Variants in CNTNAP2 observed in about 807,000 individuals in gnomAD.
CNTNAP2 encodes the protein contactin-associated protein-like 2.
A neutral mutation model predicts 155.2 loss-of-function variants in CNTNAP2; 98 were observed. That is an observed-to-expected ratio of 0.63 (90% confidence interval 0.54 to 0.75). The LOEUF (loss-of-function observed/expected upper bound fraction) is 0.75, where lower values mean the gene tolerates loss of function less well. Among genes scored for constraint, CNTNAP2 ranks in the 30% least tolerant of loss-of-function variants. The pLI is 0.00. For missense variants in CNTNAP2, 1,727 were observed against 1,688.1 expected, an observed-to-expected ratio of 1.02 and a Z score of -0.40; for synonymous variants, 651 against 631.2, an observed-to-expected ratio of 1.03 and a Z score of -0.47.
At chr7:147,562,371 G>C (rs1412432118) in intron 12 of CNTNAP2, 114 bp downstream of exon 12, 1 of 1,282,902 alleles carries the variant, frequency 7.8e-7, no homozygotes, top group Non-Finnish European at 1.1e-6. Context: ...CATCTAATCA[G>C]CAACATATTG....
At chr7:147,253,377 T>G (rs1804246239) in intron 8 of CNTNAP2, among the ~76,000 whole-genome samples, 1 of 148,226 alleles carries the variant, frequency 6.7e-6, no homozygotes, top group South Asian at 2.1e-4. Flanking sequence ...GCTTAACAGG[T>G]TCTCTGTTTT....
In CNTNAP2 at chr7:148,128,563, G is replaced by C. The variant is rs534833396; in HGVS notation, c.2554+10275G>C. Among the ~76,000 whole-genome samples the C allele has an allele frequency of 4.1e-4, 63 of 152,124 alleles. 1 individual carries two copies. The highest frequency in any genetic ancestry group is 1.5e-3 in the African/African-American group (62 of 41,502). Reference sequence around the variant, plus strand: ...AATATTAAAAGATATATAAATAGTTGGTAAATCAATTTAGATTAAATTTAT... The same window carrying C: ...AATATTAAAAGATATATAAATAGTTCGTAAATCAATTTAGATTAAATTTAT... On this transcript the variant is annotated intron_variant, in intron 16 of 23. Coordinates refer to ENST00000361727, the MANE Select transcript of CNTNAP2 (RefSeq NM_014141.6).
At chr7:147,767,491 G>C (rs983222281) in intron 13 of CNTNAP2, among the ~76,000 whole-genome samples, 2 of 151,990 alleles carry the variant, frequency 1.3e-5, no homozygotes, top group Non-Finnish European at 2.9e-5. Context: ...ATTATCTTCA[G>C]ATGTGTAATC....
At chr7:148,280,543 A>C (rs1164244186) in intron 21 of CNTNAP2, among the ~76,000 whole-genome samples, 3 of 152,226 alleles carry the variant, frequency 2.0e-5, no homozygotes, top group Non-Finnish European at 4.4e-5. Context: ...AAACTGGGCA[A>C]AATACACAGG....
Position 146,676,849 on chromosome 7 carries a change from T to A in CNTNAP2, c.98-97422T>A, listed in dbSNP as rs554187306. On this transcript the variant is annotated intron_variant, in intron 1 of 23. Coordinates refer to ENST00000361727, the MANE Select transcript of CNTNAP2 (RefSeq NM_014141.6). ...GGAAACTGCCCCCATGATTCAATTA[T>A]CTCCTACTGGGTCCCTCCCACAACA... 2.0e-4 allele frequency among the ~76,000 whole-genome samples: 30 copies of A among 152,270 alleles called. 1 individual carries two copies. The highest frequency in any genetic ancestry group is 5.5e-4 in the African/African-American group (23 of 41,560).
intron 15 of CNTNAP2, among the ~76,000 whole-genome samples, chr7:148,090,987 A>G (rs1052512188): frequency 6.6e-6 from 1 of 152,186 alleles, no homozygotes; most frequent in African/African-American, 2.4e-5. Flanking sequence ...CAAGTATCCT[A>G]TGATCCCACT....
chr7:147,840,086 G>T (rs1352646515), intron 13 of CNTNAP2, among the ~76,000 whole-genome samples: 1 of 152,060 alleles, frequency 6.6e-6, no homozygotes, highest in Non-Finnish European at 1.5e-5. Flanking sequence ...AATACCTCAT[G>T]TTCTCACTTA....
intron 1 of CNTNAP2, among the ~76,000 whole-genome samples, chr7:146,705,553 G>A (rs1011790005): frequency 5.3e-5 from 8 of 151,944 alleles, no homozygotes; most frequent in African/African-American, 1.7e-4. Context: ...CTGTTCTCAC[G>A]CTGCTAATAA....
At chr7:147,163,174 G>C (rs1318926401) in intron 8 of CNTNAP2, among the ~76,000 whole-genome samples, 1 of 152,168 alleles carries the variant, frequency 6.6e-6, no homozygotes, top group Non-Finnish European at 1.5e-5. Context: ...GTAGTTGATG[G>C]TGGCAAGAAC....
chr7:148,145,179 G>C (rs1805152621), intron 16 of CNTNAP2, among the ~76,000 whole-genome samples: 1 of 152,174 alleles, frequency 6.6e-6, no homozygotes, highest in African/African-American at 2.4e-5. Context: ...TGTTTGGGAA[G>C]AAAGTTGCTC....
At chr7:148,305,053 CA>C (rs71188964) in intron 21 of CNTNAP2, among the ~76,000 whole-genome samples, 3,321 of 109,726 alleles carry the variant, frequency 0.03, 120 homozygotes, top group African/African-American at 0.11. Context: ...CCTGTCTCTA[CA>C]AAAAAAAAAA....
At chr7:147,952,847 CTGGT>C (rs1159787492) in intron 14 of CNTNAP2, among the ~76,000 whole-genome samples, 1 of 152,078 alleles carries the variant, frequency 6.6e-6, no homozygotes, top group African/African-American at 2.4e-5. Flanking sequence ...AATGCTGCTC[CTGGT>C]TCCCCAAATT....
intron 13 of CNTNAP2, among the ~76,000 whole-genome samples, chr7:147,761,390 T>C (rs762799299): frequency 1.3e-5 from 2 of 152,222 alleles, no homozygotes; most frequent in Non-Finnish European, 2.9e-5. Flanking sequence ...CCTGTGCTTA[T>C]AAAAAATGAC....
At chr7:147,231,325 C>T (rs1414802726) in intron 8 of CNTNAP2, among the ~76,000 whole-genome samples, 1 of 152,198 alleles carries the variant, frequency 6.6e-6, no homozygotes, top group Admixed American at 6.5e-5. Flanking sequence ...TTTGTCCATT[C>T]ATCTGTGACT....
chr7:147,141,202 C>A (rs865936164), intron 8 of CNTNAP2, among the ~76,000 whole-genome samples: 2 of 152,104 alleles, frequency 1.3e-5, no homozygotes, highest in Non-Finnish European at 2.9e-5. Context: ...TGCCTTTTAT[C>A]TTTTCCTGAC....
chr7:147,636,525 A>G (rs947240085), intron 12 of CNTNAP2, among the ~76,000 whole-genome samples: 6 of 152,132 alleles, frequency 3.9e-5, no homozygotes, highest in Admixed American at 1.3e-4. Context: ...TGCCGCACCT[A>G]TCAACCTGTC....
At chr7:147,107,351 T>A (rs1800787085) in intron 4 of CNTNAP2, among the ~76,000 whole-genome samples, 1 of 152,268 alleles carries the variant, frequency 6.6e-6, no homozygotes, top group Non-Finnish European at 1.5e-5. Context: ...TATTTCCCAT[T>A]TTTTAAAAAG....
chr7:147,124,552 G>A (rs1400017390), intron 6 of CNTNAP2, among the ~76,000 whole-genome samples: 2 of 152,010 alleles, frequency 1.3e-5, no homozygotes, highest in African/African-American at 2.4e-5. Flanking sequence ...ACTATATGAC[G>A]GTATTTCCAT....
chr7:148,105,883 G>A (rs1804204124), intron 15 of CNTNAP2, among the ~76,000 whole-genome samples: 4 of 152,114 alleles, frequency 2.6e-5, no homozygotes, highest in Non-Finnish European at 5.9e-5. Context: ...CACCATGCCC[G>A]GCCTTGTTTT....
Sources: allele counts gnomAD v4.1 joint callset (sites outside exome capture counted in the v4.1 genomes callset), GRCh38; gene constraint gnomAD v4.1.1; transcripts MANE v1.5; gene names NCBI Gene and HGNC (gene_info 2026-07-23, HGNC 2026-07-21).